The following CLNK variants were observed in gnomAD, a reference collection of about 807,000 sequenced individuals.
The protein encoded by CLNK is cytokine dependent hematopoietic cell linker.
Under a neutral mutation model 68.6 loss-of-function variants are expected in CLNK, and 74 were observed. That is an observed-to-expected ratio of 1.08 (90% CI 0.89 to 1.31). The LOEUF is 1.31. Among genes scored for constraint, CLNK ranks in the 50% most tolerant of loss-of-function variants. CLNK has a pLI of 0.00. For synonymous variants in CLNK, 198 were observed against 172.2 expected, an observed-to-expected ratio of 1.15 and a Z score of -1.17; for missense variants, 553 against 515.3, an observed-to-expected ratio of 1.07 and a Z score of -0.71.
At chr4:10,709,876 C>T in the CLNK span, among the ~76,000 whole-genome samples, 4 of 152,162 alleles carry the variant, frequency 2.6e-5, no homozygotes, top group Non-Finnish European at 4.4e-5. Context: ...CAAGATCACC[C>T]CATCATGGGC....
At chr4:10,562,977 T>C (rs913040812) in intron 7 of CLNK, among the ~76,000 whole-genome samples, 3 of 152,214 alleles carry the variant, frequency 2.0e-5, no homozygotes, top group Admixed American at 1.3e-4. Flanking sequence ...AGTTCTTGAA[T>C]GAATTTGTTG....
intron 18 of CLNK, among the ~76,000 whole-genome samples, chr4:10,493,496 C>T (rs1435885623): frequency 1.3e-5 from 2 of 152,244 alleles, no homozygotes; most frequent in Middle Eastern, 3.4e-3. Flanking sequence ...GAGCAATGCA[C>T]TCTTTTACAA....
At chr4:10,688,912 T>C (rs569353253), upstream of CLNK, among the ~76,000 whole-genome samples, 32 of 152,254 alleles carry the variant, frequency 2.1e-4, no homozygotes, top group African/African-American at 7.7e-4. Context: ...AAAAAAATAG[T>C]ACAGAAGAGT....
chr4:10,502,407 C>T (rs1305052163), intron 17 of CLNK, among the ~76,000 whole-genome samples: 2 of 152,044 alleles, frequency 1.3e-5, no homozygotes, highest in Non-Finnish European at 2.9e-5. Flanking sequence ...CCCCCAAGAT[C>T]CAGGTCTCTC....
chr4:10,715,267 T>C, the CLNK span, among the ~76,000 whole-genome samples: 2 of 152,182 alleles, frequency 1.3e-5, no homozygotes, highest in East Asian at 3.9e-4. Flanking sequence ...TGCCCAACAG[T>C]GTTTGAGAAA....
At chr4:10,611,719 G>A (rs1722034394) in intron 2 of CLNK, among the ~76,000 whole-genome samples, 1 of 152,138 alleles carries the variant, frequency 6.6e-6, no homozygotes, top group South Asian at 2.1e-4. Flanking sequence ...GCCCAATGAT[G>A]TGCTGCTCCT....
chr4:10,548,182 GT>G (rs1226824951), intron 8 of CLNK, among the ~76,000 whole-genome samples: 1 of 152,092 alleles, frequency 6.6e-6, no homozygotes, highest in East Asian at 1.9e-4. Flanking sequence ...TGTTTTTTAA[GT>G]AATAGTCATC....
chr4:10,529,562 A>G (rs1718454956), intron 12 of CLNK, among the ~76,000 whole-genome samples: 1 of 152,230 alleles, frequency 6.6e-6, no homozygotes, highest in African/African-American at 2.4e-5. Flanking sequence ...AGGATTCTGG[A>G]AAGAGGACAT....
intron 2 of CLNK, among the ~76,000 whole-genome samples, chr4:10,639,942 C>G (rs1445516510): frequency 6.6e-6 from 1 of 152,232 alleles, no homozygotes; most frequent in African/African-American, 2.4e-5. Flanking sequence ...TAAGACTCAG[C>G]TCCAGAGGTG....
At chr4:10,689,999 A>C in the CLNK span, among the ~76,000 whole-genome samples, 7 of 152,166 alleles carry the variant, frequency 4.6e-5, no homozygotes, top group African/African-American at 1.4e-4. Flanking sequence ...AAAACTTTTG[A>C]AAGTGGAATC....
chr4:10,503,166 C>A (rs1717124928), intron 17 of CLNK, among the ~76,000 whole-genome samples: 1 of 152,010 alleles, frequency 6.6e-6, no homozygotes, highest in Non-Finnish European at 1.5e-5. Flanking sequence ...TATAAGTGAT[C>A]TATGAAGAAT....
At chr4:10,504,372 G>A (rs112330761) in intron 17 of CLNK, among the ~76,000 whole-genome samples, 282 of 152,094 alleles carry the variant, frequency 1.9e-3, no homozygotes, top group African/African-American at 6.5e-3. Flanking sequence ...CGCCCGCCTC[G>A]GGCTCCCAAA....
chr4:10,691,436 T>C, the CLNK span, among the ~76,000 whole-genome samples: 1 of 151,940 alleles, frequency 6.6e-6, no homozygotes, highest in African/African-American at 2.4e-5. Flanking sequence ...GCCACCAAGG[T>C]GAGTAGGGAA....
intron 11 of CLNK, among the ~76,000 whole-genome samples, chr4:10,534,453 C>T (rs530709529): frequency 6.6e-6 from 1 of 151,918 alleles, no homozygotes; most frequent in Admixed American, 6.5e-5. Context: ...TCCAGGAATG[C>T]CTTAGTTTTT....
intron 8 of CLNK, among the ~76,000 whole-genome samples, chr4:10,543,421 G>T (rs537638788): frequency 6.6e-6 from 1 of 152,208 alleles, no homozygotes; most frequent in South Asian, 2.1e-4. Context: ...TTCACACTGA[G>T]CATCCTTTGC....
At chr4:10,624,695 C>T (rs1346535262) in intron 2 of CLNK, among the ~76,000 whole-genome samples, 2 of 149,454 alleles carry the variant, frequency 1.3e-5, no homozygotes, top group African/African-American at 4.9e-5. Context: ...TCTAAGATGC[C>T]AAGAAGCATC....
At chr4:10,713,353 A>G in the CLNK span, among the ~76,000 whole-genome samples, 1 of 152,204 alleles carries the variant, frequency 6.6e-6, no homozygotes, top group Non-Finnish European at 1.5e-5. Flanking sequence ...TGAGACATGG[A>G]CGAAATGAGT....
intron 2 of CLNK, among the ~76,000 whole-genome samples, chr4:10,620,593 C>T (rs988476007): frequency 1.3e-5 from 2 of 152,192 alleles, no homozygotes; most frequent in African/African-American, 4.8e-5. Context: ...CTCCCTGACA[C>T]TTCCAGAGGC....
intron 18 of CLNK, among the ~76,000 whole-genome samples, chr4:10,495,821 C>T (rs1287136868): frequency 7.9e-6 from 1 of 126,856 alleles, no homozygotes; most frequent in South Asian, 2.7e-4. Context: ...GGTCACGTGA[C>T]CATAGAGAGA....
Sources: allele counts gnomAD v4.1 joint callset (sites outside exome capture counted in the v4.1 genomes callset), GRCh38; gene constraint gnomAD v4.1.1; transcripts MANE v1.5; gene names NCBI Gene and HGNC (gene_info 2026-07-23, HGNC 2026-07-21).